Variants in NME7 observed in about 807,000 individuals in gnomAD.
The protein encoded by NME7 is nucleoside diphosphate kinase 7.
In NME7, 41 loss-of-function variants were observed where a neutral mutation model predicts 49.1. The observed-to-expected ratio is 0.83, with a 90% CI of 0.65 to 1.08. The LOEUF is 1.08. Ranked by LOEUF, NME7 falls within the 50% of genes least tolerant of loss-of-function variation. The pLI is 0.00. For missense variants in NME7, 423 were observed against 463.4 expected, an observed-to-expected ratio of 0.91 and a Z score of 0.80; for synonymous variants, 139 against 150.6, an observed-to-expected ratio of 0.92 and a Z score of 0.56.
At chr1:169,213,060 G>C (rs750962854) in intron 10 of NME7, among the ~76,000 whole-genome samples, 3 of 152,102 alleles carry the variant, frequency 2.0e-5, no homozygotes, top group Non-Finnish European at 2.9e-5. Context: ...AAGTATAACA[G>C]TGCTGTGATG....
intron 7 of NME7, among the ~76,000 whole-genome samples, chr1:169,262,426 T>C (rs1304342279): frequency 7.4e-6 from 1 of 134,644 alleles, no homozygotes; most frequent in Non-Finnish European, 1.7e-5. Flanking sequence ...GATAAATCAT[T>C]GTTTTTAAGA....
intron 10 of NME7, among the ~76,000 whole-genome samples, chr1:169,216,018 T>C (rs1161017563): frequency 6.6e-6 from 1 of 152,198 alleles, no homozygotes; most frequent in Non-Finnish European, 1.5e-5. Flanking sequence ...TTCTAACTTC[T>C]GGGAATCTAA....
At chr1:169,273,395 CTT>C (rs1284775039) in intron 7 of NME7, among the ~76,000 whole-genome samples, 2 of 132,512 alleles carry the variant, frequency 1.5e-5, no homozygotes, top group Non-Finnish European at 3.5e-5. Context: ...GAAGTCATCA[CTT>C]TTTAAGGCTG....
At chr1:169,176,167 A>G (rs1389319712) in intron 10 of NME7, among the ~76,000 whole-genome samples, 1 of 152,152 alleles carries the variant, frequency 6.6e-6, no homozygotes, top group African/African-American at 2.4e-5. Flanking sequence ...AGATGAATTC[A>G]AACTAAAATG....
intron 1 of NME7, among the ~76,000 whole-genome samples, chr1:169,328,516 C>A (rs982793152): frequency 6.6e-6 from 1 of 151,856 alleles, no homozygotes; most frequent in African/African-American, 2.4e-5. Context: ...TCAGCTGCAA[C>A]TAACCCTAGG....
intron 10 of NME7, among the ~76,000 whole-genome samples, chr1:169,216,685 A>C (rs1660981588): frequency 6.6e-6 from 1 of 152,214 alleles, no homozygotes; most frequent in East Asian, 1.9e-4. Flanking sequence ...TAGCACAGGA[A>C]GTGGGGGCAG....
At chr1:169,253,869 T>G (rs1457793917) in intron 7 of NME7, among the ~76,000 whole-genome samples, 2 of 151,086 alleles carry the variant, frequency 1.3e-5, no homozygotes, top group Non-Finnish European at 3.0e-5. Flanking sequence ...TTACATTTAT[T>G]GATTTGTGTA....
intron 3 of NME7, among the ~76,000 whole-genome samples, chr1:169,311,568 C>T (rs1389682583): frequency 3.3e-5 from 5 of 151,830 alleles, no homozygotes; most frequent in Admixed American, 6.6e-5. Flanking sequence ...TATTTTAAAG[C>T]AGATGAGTCA....
chr1:169,347,179 G>A (rs563068267), intron 1 of NME7, among the ~76,000 whole-genome samples: 11 of 152,194 alleles, frequency 7.2e-5, no homozygotes, highest in African/African-American at 2.4e-4. Flanking sequence ...CAGCCTGACC[G>A]ACACAGTGAG....
chr1:169,157,664 G>A (rs752361866), intron 11 of NME7, among the ~76,000 whole-genome samples: 6 of 152,194 alleles, frequency 3.9e-5, no homozygotes, highest in South Asian at 2.1e-4. Context: ...TCCGTTGGAA[G>A]TGTAACAACC....
At chr1:169,148,682 A>C (rs1178303058) in intron 11 of NME7, among the ~76,000 whole-genome samples, 1 of 152,238 alleles carries the variant, frequency 6.6e-6, no homozygotes, top group South Asian at 2.1e-4. Context: ...GTTCAGGGTC[A>C]AACTGCAGAG....
intron 1 of NME7, among the ~76,000 whole-genome samples, chr1:169,341,867 A>C (rs1453385225): frequency 6.6e-6 from 1 of 152,184 alleles, no homozygotes; most frequent in Non-Finnish European, 1.5e-5. Context: ...TCGAATGGGA[A>C]CATTTACCCA....
intron 1 of NME7, among the ~76,000 whole-genome samples, chr1:169,324,809 G>GT (rs1651997887): frequency 6.6e-6 from 1 of 152,050 alleles, no homozygotes; most frequent in Non-Finnish European, 1.5e-5. Context: ...TTTTACTATT[G>GT]TAACAATTCA....
intron 2 of NME7, among the ~76,000 whole-genome samples, chr1:169,323,707 C>G (rs534726199): frequency 9.9e-5 from 15 of 152,226 alleles, no homozygotes; most frequent in African/African-American, 3.4e-4. Context: ...TTAGCTTGAG[C>G]CTCTTCAATT....
At chr1:169,317,216 T>G (rs1400691263) in intron 3 of NME7, among the ~76,000 whole-genome samples, 1 of 152,100 alleles carries the variant, frequency 6.6e-6, no homozygotes, top group Non-Finnish European at 1.5e-5. Context: ...TTAACCCAAA[T>G]ACGCTATCAA....
At chr1:169,174,230 T>C (rs997796101) in intron 10 of NME7, among the ~76,000 whole-genome samples, 6 of 152,212 alleles carry the variant, frequency 3.9e-5, no homozygotes, top group African/African-American at 1.4e-4. Context: ...GAAGGGAATA[T>C]TTATTTAATT....
intron 7 of NME7, among the ~76,000 whole-genome samples, chr1:169,263,142 C>A (rs1649215482): frequency 7.5e-6 from 1 of 133,442 alleles, no homozygotes; most frequent in Admixed American, 7.3e-5. Context: ...AATATCAGCC[C>A]ACACAAATGA....
intron 11 of NME7, among the ~76,000 whole-genome samples, chr1:169,150,334 A>T (rs995754847): frequency 6.6e-6 from 1 of 152,216 alleles, no homozygotes; most frequent in African/African-American, 2.4e-5. Flanking sequence ...TATACTTGTT[A>T]TAAAAAAGGT....
rs957342351 is a variant in NME7 at position 169,261,045 on chromosome 1, C to T, written c.755-23358G>A. Among the ~76,000 whole-genome samples the T allele has an allele frequency of 6.0e-5, 8 of 132,408 alleles. 1 individual carries two copies. Among genetic ancestry groups the T allele is most frequent in the African/African-American group, 2.0e-4 (8 of 39,244 alleles). The allele number at this position is 132,408 out of a possible 152,430, so 86.9% of individuals were successfully genotyped here. A position where few individuals can be genotyped will look rare whatever the true frequency, so the allele number is the denominator to read the frequency against. On this transcript the variant is annotated intron_variant, in intron 7 of 11. Coordinates refer to ENST00000367811, the MANE Select transcript of NME7 (RefSeq NM_013330.5). ...CTCAATAACATCATTCCCTGAATCA[C>T]CGTGACTCTGAATCTTAAAATAGAA...
Sources: gnomAD v4.1 joint callset for allele counts (sites outside exome capture counted in the v4.1 genomes callset) on GRCh38, gnomAD v4.1.1 for gene constraint, MANE v1.5 for transcripts, NCBI Gene and HGNC (gene_info 2026-07-23, HGNC 2026-07-21) for gene names.